MCOLN2: variants seen among roughly 807,000 people sequenced by gnomAD.
MCOLN2 encodes the protein mucolipin TRP cation channel 2, also known as mucolipin-2.
Under a neutral mutation model 67.5 loss-of-function variants are expected in MCOLN2, and 57 were observed. The observed-to-expected ratio is 0.84, with a 90% CI of 0.68 to 1.05. The LOEUF is 1.05. MCOLN2 is among the 50% of genes least tolerant of loss of function. MCOLN2 has a pLI of 0.00. For missense variants in MCOLN2, 620 were observed against 678.8 expected (o/e 0.91, Z 0.96); for synonymous variants, 246 against 233.3 (o/e 1.05, Z -0.50).
chr1:84,931,407 G>T lies in MCOLN2; in HGVS notation c.1497C>A (p.Leu499=), dbSNP rs1570942995. ...SFISLFIYMI[L]SLFIALITDS... ...CTGTAATAAGTGCAATAAAAAGACT[G>T]AGAATCATATATATAAAAAGGCTGA... Residue 499 remains leucine, a synonymous_variant, in exon 12 of 14, where the codon CTC becomes CTA. Coordinates refer to ENST00000370608, the MANE Select transcript of MCOLN2 (RefSeq NM_153259.4). 6.3e-7 allele frequency: 1 copy of T among 1,596,966 alleles called. No individual in the cohort carries two copies. The highest frequency in any genetic ancestry group is 2.2e-5 in the East Asian group (1 of 44,768).
chr1:84,958,696 G>A lies in MCOLN2; in HGVS notation c.244C>T (p.Arg82Cys), dbSNP rs1302535632. 6 of 1,566,870 alleles carry A rather than the reference G, an allele frequency of 3.8e-6. No individual in the cohort carries two copies. Among genetic ancestry groups the A allele is most frequent in the East Asian group, 2.3e-5 (1 of 43,864 alleles). The change falls in exon 3 of 14, where the codon CGT (arginine) becomes TGT (cysteine). Residue 82 changes from arginine to cysteine, a missense_variant. Physicochemically the swap from Arg to Cys is radical, Grantham distance 180 (BLOSUM62 -3). Coordinates refer to ENST00000370608, the MANE Select transcript of MCOLN2 (RefSeq NM_153259.4). ...KIVMVTTQLV[R>C]FGLSNQLVVA... is the part of the protein sequence containing the mutation. ...ACCAGCTGGTTACTTAAACCAAAAC[G>A]AACAAGCTAAAAAATAAAATAAAAT... is the stretch of plus-strand genomic sequence containing the variant.
At position 84,940,969 on chromosome 1, in the gene MCOLN2, G is replaced by A. The variant is rs766282047; in HGVS notation, c.870C>T (p.Val290=). The change falls in exon 8 of 14, where the codon GTC becomes GTT. Residue 290 remains valine, a synonymous_variant. Transcript: ENST00000370608. ...CAATGACAAATGCATCAAACACCAG[G>A]ACATACTGAGCATTTTTCTGAGCTG... The part of the protein sequence containing the change: ...FGSTQKNAQY[V]LVFDAFVIVI... 19 of 1,612,350 alleles carry A rather than the reference G, an allele frequency of 1.2e-5. No individual in the cohort carries two copies. The Admixed American group carries it at 3.0e-4, about 25-fold the overall frequency.
intron 1 of MCOLN2, among the ~76,000 whole-genome samples, chr1:84,973,540 TG>T (rs1649848758): frequency 1.3e-5 from 2 of 152,308 alleles, no homozygotes; most frequent in African/African-American, 4.8e-5. Flanking sequence ...TGAGACATCC[TG>T]GGGAAATTGT....
At chr1:84,962,917 A>G (rs546657363) in intron 2 of MCOLN2, among the ~76,000 whole-genome samples, 1 of 152,340 alleles carries the variant, frequency 6.6e-6, no homozygotes, top group South Asian at 2.1e-4. Flanking sequence ...ACGAAAAATT[A>G]AGCTGATATT....
At chr1:84,943,914 G>A (rs1448962530) in intron 7 of MCOLN2, among the ~76,000 whole-genome samples, 1 of 152,184 alleles carries the variant, frequency 6.6e-6, no homozygotes, top group African/African-American at 2.4e-5. Context: ...TAATGGGTAG[G>A]TAAGAAAACA....
At chr1:84,942,458 A>C (rs1647839961) in intron 7 of MCOLN2, among the ~76,000 whole-genome samples, 1 of 152,226 alleles carries the variant, frequency 6.6e-6, no homozygotes, top group Non-Finnish European at 1.5e-5. Flanking sequence ...GTAGAATTAA[A>C]AAATACCTAC....
chr1:84,946,722 A>G lies in MCOLN2; in HGVS notation c.847+311T>C, dbSNP rs557994126. Among the ~76,000 whole-genome samples the G allele has an allele frequency of 2.0e-5, 3 of 152,326 alleles. No homozygotes were observed. In the South Asian group the frequency reaches 6.2e-4, roughly 32 times the overall value. ...TCATTTTACATAGAAAGATACTGAG[A>G]CAGACAGGTTAAGTAACTTGTACAA... On this transcript the variant is annotated intron_variant, in intron 7 of 13. Coordinates refer to ENST00000370608, the MANE Select transcript of MCOLN2 (RefSeq NM_153259.4).
At chr1:84,943,294 C>T (rs946699776) in intron 7 of MCOLN2, among the ~76,000 whole-genome samples, 2 of 152,108 alleles carry the variant, frequency 1.3e-5, no homozygotes, top group Admixed American at 1.3e-4. Context: ...GGTTCCCTGT[C>T]TTGGGCAAAC....
At chr1:84,956,679 T>C (rs1648812756) in intron 3 of MCOLN2, 95 bp from the exon 4 acceptor site, 1 of 1,052,000 alleles carries the variant, frequency 9.5e-7, no homozygotes. Context: ...TTACTTTGTA[T>C]TGTTTACATC....
chr1:84,954,225 C>A (rs1648663126), intron 4 of MCOLN2, among the ~76,000 whole-genome samples: 1 of 152,164 alleles, frequency 6.6e-6, no homozygotes, highest in Non-Finnish European at 1.5e-5. Context: ...GGGCCCAGAG[C>A]TAAACAGACA....
At chr1:84,931,265 A>C in intron 12 of MCOLN2, 97 bp downstream of exon 12, 1 of 818,678 alleles carries the variant, frequency 1.2e-6, no homozygotes, top group Non-Finnish European at 2.0e-6. Flanking sequence ...TCAAAATCTG[A>C]ACTGTAATAT....
chr1:84,987,220 C>CAT (rs1650556091), intron 1 of MCOLN2, among the ~76,000 whole-genome samples: 1 of 141,528 alleles, frequency 7.1e-6, no homozygotes, highest in Non-Finnish European at 1.5e-5. Flanking sequence ...ATATATATGG[C>CAT]ATATATATAC....
intron 1 of MCOLN2, among the ~76,000 whole-genome samples, chr1:84,993,050 C>T (rs1650969344): frequency 6.6e-6 from 1 of 152,244 alleles, no homozygotes. Context: ...AAATTGGAGT[C>T]AGTCCTCTCA....
At chr1:84,957,410 T>G (rs1383687693) in intron 3 of MCOLN2, among the ~76,000 whole-genome samples, 1 of 152,198 alleles carries the variant, frequency 6.6e-6, no homozygotes, top group African/African-American at 2.4e-5. Context: ...TTACTATTCC[T>G]GAAAATTTTT....
chr1:84,933,544 C>A (rs539677419), intron 11 of MCOLN2, among the ~76,000 whole-genome samples: 7 of 152,302 alleles, frequency 4.6e-5, no homozygotes, highest in African/African-American at 1.7e-4. Context: ...ATTTTCCATA[C>A]GCTACACAAG....
chr1:84,987,428 A>G (rs1308369956), intron 1 of MCOLN2, among the ~76,000 whole-genome samples: 1 of 129,228 alleles, frequency 7.7e-6, no homozygotes, highest in Non-Finnish European at 1.6e-5. Context: ...ATATACCTAT[A>G]TACGTATATA....
At chr1:84,952,387 T>A (rs1043036853) in intron 5 of MCOLN2, 48 bp from the exon 6 acceptor site, 1 of 1,571,058 alleles carries the variant, frequency 6.4e-7, no homozygotes, top group Admixed American at 1.7e-5. Flanking sequence ...TCTTACTATA[T>A]ACTATTCTCC....
chr1:84,973,413 G>A (rs912797748), intron 1 of MCOLN2, among the ~76,000 whole-genome samples: 1 of 152,162 alleles, frequency 6.6e-6, no homozygotes, highest in Non-Finnish European at 1.5e-5. Context: ...AGGAGTTCAA[G>A]GCTGCAGTGA....
chr1:84,954,229 A>C (rs1331690948), intron 4 of MCOLN2, among the ~76,000 whole-genome samples: 2 of 152,226 alleles, frequency 1.3e-5, no homozygotes, highest in African/African-American at 4.8e-5. Context: ...CCAGAGCTAA[A>C]CAGACAACTC....
Sources: allele counts gnomAD v4.1 joint callset (sites outside exome capture counted in the v4.1 genomes callset), GRCh38; gene constraint gnomAD v4.1.1; transcripts MANE v1.5; gene names NCBI Gene and HGNC (gene_info 2026-07-23, HGNC 2026-07-21).